The following NLRP8 variants were observed in gnomAD, a reference collection of about 807,000 sequenced individuals.
NLRP8 encodes NACHT, LRR and PYD domains-containing protein 8.
In NLRP8, 86 loss-of-function variants were observed where a neutral mutation model predicts 88.7. That is an observed-to-expected ratio of 0.97 (90% CI 0.81 to 1.16). The LOEUF is 1.16. NLRP8 is among the 50% of genes most tolerant of loss of function. NLRP8 has a pLI of 0.00. For synonymous variants in NLRP8, 504 were observed against 494.6 expected (o/e 1.02, Z -0.25); for missense variants, 1,342 against 1,286.5 (o/e 1.04, Z -0.66).
At chr19:55,966,521 G>A in intron 5 of NLRP8, 141 bp downstream of exon 5, 1 of 818,158 alleles carries the variant, frequency 1.2e-6, no homozygotes, top group Non-Finnish European at 1.8e-6. Context: ...GTACAATTTG[G>A]GCCGGGCGCG....
Position 55,987,810 on chromosome 19 carries a change from C to A in NLRP8, c.3048-4C>A. ...ACCAGCAGCCTTCCTTTACCTCCCT[C>A]CAGCTGTATTCCTGCCTGGACTCGA... On this transcript the variant is annotated splice_polypyrimidine_tract_variant and splice_region_variant and intron_variant, in intron 9 of 9. Transcript: ENST00000291971. The A allele has an allele frequency of 6.2e-7, 1 of 1,611,974 alleles. No individual in the cohort carries two copies.
intron 2 of NLRP8, among the ~76,000 whole-genome samples, chr19:55,952,821 G>A (rs1051145907): frequency 1.3e-5 from 2 of 152,202 alleles, no homozygotes; most frequent in Non-Finnish European, 2.9e-5. Flanking sequence ...AGCTACTTGG[G>A]AGGCTGAGTG....
intron 3 of NLRP8, among the ~76,000 whole-genome samples, chr19:55,959,368 C>T (rs1044304423): frequency 3.3e-5 from 5 of 151,558 alleles, no homozygotes; most frequent in Non-Finnish European, 5.9e-5. Flanking sequence ...CCCGCCACCA[C>T]GCCTGGCTAA....
chr19:55,962,361 G>A (rs954248232), intron 4 of NLRP8, 124 bp downstream of exon 4: 4 of 1,005,040 alleles, frequency 4.0e-6, no homozygotes, highest in South Asian at 1.7e-5. Flanking sequence ...AGCCTTGGAC[G>A]GAGGTGCAGG....
intron 2 of NLRP8, among the ~76,000 whole-genome samples, chr19:55,953,234 C>T (rs1353616731): frequency 6.6e-6 from 1 of 152,138 alleles, no homozygotes; most frequent in Non-Finnish European, 1.5e-5. Context: ...CCTGATCCGT[C>T]ACCGTCTCCC....
At chr19:55,963,620 G>A (rs1440443125) in intron 4 of NLRP8, among the ~76,000 whole-genome samples, 2 of 152,064 alleles carry the variant, frequency 1.3e-5, no homozygotes, top group African/African-American at 4.8e-5. Flanking sequence ...CATGATCATG[G>A]CTTACTGCAA....
chr19:55,984,740 G>T (rs1054669893), intron 9 of NLRP8, among the ~76,000 whole-genome samples: 1 of 151,584 alleles, frequency 6.6e-6, no homozygotes, highest in African/African-American at 2.4e-5. Context: ...GGGAGGCCAA[G>T]TGGGGAGGAT....
At position 55,979,513 on chromosome 19, in the gene NLRP8, T is replaced by G. The variant is rs1980485558; in HGVS notation, c.2996T>G (p.Leu999Arg). 2 of 1,614,238 alleles carry G rather than the reference T, an allele frequency of 1.2e-6. No individual in the cohort carries two copies. Among genetic ancestry groups the G allele is most frequent in the Non-Finnish European group, 1.7e-6 (2 of 1,180,026 alleles). ...AATGCGATTGGAGTCTATGGTATTC[T>G]GACCTTGTGCGAGGCCTTCTCAAGC... The change falls in exon 9 of 10, where the codon CTG becomes CGG. Residue 999 changes from leucine to arginine, a missense_variant. Physicochemically the swap from Leu to Arg is moderately radical, Grantham distance 102 (BLOSUM62 -2). Coordinates refer to ENST00000291971, the MANE Select transcript of NLRP8 (RefSeq NM_176811.2).
chr19:55,978,851 G>A (rs992069563), intron 8 of NLRP8, among the ~76,000 whole-genome samples: 2 of 152,114 alleles, frequency 1.3e-5, no homozygotes, highest in Admixed American at 1.3e-4. Flanking sequence ...TTGAGCCAAG[G>A]AATTTGAAGC....
intron 8 of NLRP8, among the ~76,000 whole-genome samples, chr19:55,978,130 A>G (rs922348193): frequency 6.6e-6 from 1 of 152,198 alleles, no homozygotes; most frequent in African/African-American, 2.4e-5. Flanking sequence ...GGGGCTAACA[A>G]GACAGTTATC....
intron 9 of NLRP8, among the ~76,000 whole-genome samples, chr19:55,985,347 C>G (rs1980761362): frequency 6.6e-6 from 1 of 151,932 alleles, no homozygotes; most frequent in Non-Finnish European, 1.5e-5. Flanking sequence ...GCAAAGAGTT[C>G]AGGATAACTA....
intron 1 of NLRP8, among the ~76,000 whole-genome samples, chr19:55,949,605 G>A (rs1444129034): frequency 2.0e-5 from 3 of 152,042 alleles, no homozygotes; most frequent in East Asian, 1.9e-4. Flanking sequence ...GATATCCACC[G>A]GGGATCTTGG....
chr19:55,986,511 A>ACACAAAT (rs1568472101), intron 9 of NLRP8, among the ~76,000 whole-genome samples: 11 of 90,848 alleles, frequency 1.2e-4, no homozygotes, highest in African/African-American at 4.8e-4. Context: ...CACACACACT[A>ACACAAAT]ATTGCTTCAG....
intron 4 of NLRP8, among the ~76,000 whole-genome samples, chr19:55,963,743 C>A (rs1449192531): frequency 6.6e-6 from 1 of 151,774 alleles, no homozygotes; most frequent in South Asian, 2.1e-4. Context: ...TTTGTAGAGA[C>A]AAGGTCTCCC....
intron 4 of NLRP8, among the ~76,000 whole-genome samples, chr19:55,965,829 C>A (rs1028937044): frequency 2.0e-5 from 3 of 148,042 alleles, no homozygotes; most frequent in Non-Finnish European, 4.5e-5. Flanking sequence ...CCAGAGGCCC[C>A]GGTATGTGAT....
chr19:55,956,750 C>T (rs1979374645), intron 3 of NLRP8, among the ~76,000 whole-genome samples: 3 of 152,068 alleles, frequency 2.0e-5, no homozygotes, highest in African/African-American at 7.2e-5. Flanking sequence ...CACCCTCCCT[C>T]CCTCTGTGCT....
intron 9 of NLRP8, among the ~76,000 whole-genome samples, chr19:55,980,619 C>T (rs1156262078): frequency 1.3e-5 from 2 of 152,110 alleles, no homozygotes; most frequent in African/African-American, 4.8e-5. Context: ...CAGGGAGTTG[C>T]TCATGACATT....
Position 55,948,036 on chromosome 19 carries a change from T to G in NLRP8, c.134T>G (p.Met45Arg), listed in dbSNP as rs1978924267. Residue 45 changes from methionine to arginine, a missense_variant, in exon 1 of 10, where the codon ATG (methionine) becomes AGG (arginine). Physicochemically the swap from Met to Arg is moderately conservative, Grantham distance 91. Transcript: ENST00000291971. ...TGTGAAAATGGGGTCATGCTGTACA[T>G]GAGAAACGTGAGCCATGAGGAGCTA... The G allele has an allele frequency of 1.2e-6, 2 of 1,614,054 alleles. No homozygotes were observed. Among genetic ancestry groups the G allele is most frequent in the East Asian group, 2.2e-5 (1 of 44,854 alleles).
At chr19:55,970,842 A>C (rs1980045753) in intron 6 of NLRP8, 146 bp downstream of exon 6, 2 of 1,063,502 alleles carry the variant, frequency 1.9e-6, no homozygotes, top group Non-Finnish European at 2.7e-6. Context: ...AATTATATAG[A>C]TAGGTCAATA....
Sources: allele counts gnomAD v4.1 joint callset (sites outside exome capture counted in the v4.1 genomes callset), GRCh38; gene constraint gnomAD v4.1.1; transcripts MANE v1.5; gene names NCBI Gene and HGNC (gene_info 2026-07-23, HGNC 2026-07-21).